Variants in PIP5K1C observed in about 807,000 individuals in gnomAD.
PIP5K1C encodes phosphatidylinositol 4-phosphate 5-kinase type-1 gamma.
PIP5K1C carries 45 observed loss-of-function variants against 80.1 expected under a neutral mutation model. That is an observed-to-expected ratio of 0.56 (90% CI 0.44 to 0.72). The LOEUF (loss-of-function observed/expected upper bound fraction) is 0.72. PIP5K1C is among the 30% of genes least tolerant of loss of function. PIP5K1C has a pLI of 0.00. For synonymous variants in PIP5K1C, 498 were observed against 420.1 expected (o/e 1.19, Z -2.27); for missense variants, 753 against 954.6 (o/e 0.79, Z 2.78).
chr19:3,632,995 G>A lies in PIP5K1C; in HGVS notation c.*172C>T, dbSNP rs1291692578. ...GACCGGGGTGCCGGGGCCCTGGGAG[G>A]CTTGTCGGGGAGGGGCCCGGCCGTC... On this transcript the variant is annotated 3_prime_UTR_variant, in exon 18 of 18. Transcript: ENST00000335312. The A allele has an allele frequency of 1.9e-6, 1 of 537,708 alleles. No homozygotes were observed. The highest frequency in any genetic ancestry group is 3.3e-6 in the Non-Finnish European group (1 of 301,430). 33.3% of individuals were successfully genotyped at this position (537,708 alleles called of 1,614,324 possible). A position where few individuals can be genotyped will look rare whatever the true frequency, so the allele number is the denominator to read the frequency against.
Position 3,684,029 on chromosome 19 carries a change from A to G in PIP5K1C, c.94+16268T>C, listed in dbSNP as rs575382327. On this transcript the variant is annotated intron_variant, in intron 1 of 17. Coordinates refer to ENST00000335312, the MANE Select transcript of PIP5K1C (RefSeq NM_012398.3). ...CGACCAGTGCTGACTCTGTCTCTGC[A>G]GCAGGCCCGGCCCCCAGCACAGGAG... 1.1e-4 allele frequency among the ~76,000 whole-genome samples: 16 copies of G among 147,422 alleles called. No individual in the cohort carries two copies. The South Asian group carries it at 2.2e-3, about 20-fold the overall frequency.
chr19:3,659,714 C>T (rs888553123), intron 5 of PIP5K1C, among the ~76,000 whole-genome samples: 2 of 144,788 alleles, frequency 1.4e-5, no homozygotes, highest in Non-Finnish European at 3.1e-5. Flanking sequence ...CTGGAGTTCT[C>T]GGGGCGGGGG....
chr19:3,643,393 G>A lies in PIP5K1C; in HGVS notation c.1511-12C>T. 14 of 1,613,072 alleles carry A rather than the reference G, an allele frequency of 8.7e-6. No individual in the cohort carries two copies. Among genetic ancestry groups the A allele is most frequent in the Non-Finnish European group, 1.2e-5 (14 of 1,179,854 alleles). ...GAGGTCGGGCCGGCCTGAGGGGAGAGGACTGTGGGCACCTTGCGGAGCCTC... is the reference window on the plus strand; with the variant it reads ...GAGGTCGGGCCGGCCTGAGGGGAGAAGACTGTGGGCACCTTGCGGAGCCTC... On this transcript the variant is annotated splice_polypyrimidine_tract_variant and intron_variant, in intron 12 of 17. Transcript: ENST00000335312.
intron 1 of PIP5K1C, among the ~76,000 whole-genome samples, chr19:3,698,863 G>T (rs796105509): frequency 7.2e-5 from 11 of 152,020 alleles, no homozygotes; most frequent in Non-Finnish European, 1.2e-4. Context: ...TGGCCAGCTG[G>T]GGTCAGATTT....
At chr19:3,662,989 G>A (rs2034888105) in intron 3 of PIP5K1C, among the ~76,000 whole-genome samples, 3 of 151,960 alleles carry the variant, frequency 2.0e-5, no homozygotes, top group African/African-American at 7.3e-5. Context: ...AGCCTCCCAA[G>A]AGCTGGGATT....
chr19:3,683,888 C>A (rs551515876), intron 1 of PIP5K1C, among the ~76,000 whole-genome samples: 4 of 145,624 alleles, frequency 2.7e-5, no homozygotes, highest in East Asian at 2.0e-4. Context: ...ACACCTCCCC[C>A]ACACTGGAGC....
intron 1 of PIP5K1C, among the ~76,000 whole-genome samples, chr19:3,668,711 G>A (rs913606637): frequency 1.3e-5 from 2 of 152,198 alleles, no homozygotes; most frequent in East Asian, 1.9e-4. Context: ...AGGGGCTCAC[G>A]GTCAACAGGG....
intron 1 of PIP5K1C, 58 bp from the exon 2 acceptor site, chr19:3,667,411 G>A: frequency 1.2e-6 from 2 of 1,606,050 alleles, no homozygotes; most frequent in Non-Finnish European, 1.7e-6. Flanking sequence ...GGGAGTCCTG[G>A]GCCCAGCCCC....
At chr19:3,633,815 G>C (rs959058045) in intron 16 of PIP5K1C, among the ~76,000 whole-genome samples, 2 of 152,046 alleles carry the variant, frequency 1.3e-5, no homozygotes, top group Admixed American at 1.3e-4. Context: ...GCGGAAGCGG[G>C]TGGGGGTCGC....
chr19:3,641,681 A>G (rs1191376856), intron 15 of PIP5K1C, 24 bp downstream of exon 15: 2 of 1,587,086 alleles, frequency 1.3e-6, no homozygotes, highest in South Asian at 2.2e-5. Context: ...GGGCGCCCCG[A>G]CCTCCCGCCG....
chr19:3,670,987 C>T (rs998175730), intron 1 of PIP5K1C, among the ~76,000 whole-genome samples: 23 of 152,242 alleles, frequency 1.5e-4, no homozygotes, highest in African/African-American at 5.3e-4. Context: ...AGGTGCTGGA[C>T]GCTGACGTGA....
At position 3,644,265 on chromosome 19, in the gene PIP5K1C, T is replaced by C. The variant is rs925961933; in HGVS notation, c.1346-14A>G. 3 of 1,609,376 alleles carry C rather than the reference T, an allele frequency of 1.9e-6. No homozygotes were observed. Among genetic ancestry groups the C allele is most frequent in the African/African-American group, 2.7e-5 (2 of 74,698 alleles). ...AGGACTTCAGGGCTGCAGGGAAGGG[T>C]GGGGGTTGGTGCTTGGGGTTGCTGG... On this transcript the variant is annotated splice_polypyrimidine_tract_variant and intron_variant, in intron 11 of 17. Coordinates refer to ENST00000335312, the MANE Select transcript of PIP5K1C (RefSeq NM_012398.3).
At position 3,661,933 on chromosome 19, in the gene PIP5K1C, G is replaced by A. The variant is rs764266098; in HGVS notation, c.288C>T (p.Ser96=). 11 of 1,612,540 alleles carry A rather than the reference G, an allele frequency of 6.8e-6. No homozygotes were observed. In the Admixed American group the frequency reaches 1.7e-4, roughly 24 times the overall value. ...GCATGAGCACGTCGCGTTCGGGCTT[G>A]GAGCTCAGGTGGCCCACGGTGTAGC... ...GIGYTVGHLS[S]KPERDVLMQD... Residue 96 remains serine (S), a synonymous_variant, in exon 4 of 18, where the codon TCC becomes TCT. Coordinates refer to ENST00000335312, the MANE Select transcript of PIP5K1C (RefSeq NM_012398.3).
chr19:3,683,724 G>A (rs972717699), intron 1 of PIP5K1C, among the ~76,000 whole-genome samples: 1 of 152,174 alleles, frequency 6.6e-6, no homozygotes, highest in Admixed American at 6.5e-5. Context: ...GGAGCCAGGC[G>A]GGGGAAGGGC....
intron 1 of PIP5K1C, among the ~76,000 whole-genome samples, chr19:3,699,232 G>A (rs1286692447): frequency 6.6e-6 from 1 of 151,552 alleles, no homozygotes. Flanking sequence ...TGCCCGCAAA[G>A]AAAGGGGCGA....
intron 12 of PIP5K1C, 29 bp from the exon 13 acceptor site, chr19:3,643,410 C>A (rs947694643): frequency 1.2e-6 from 2 of 1,611,678 alleles, no homozygotes; most frequent in East Asian, 2.2e-5. Flanking sequence ...GGGCACCTTG[C>A]GGAGCCTCCG....
Position 3,639,005 on chromosome 19 carries a change from G to A in PIP5K1C, c.1799C>T (p.Ser600Phe), listed in dbSNP as rs1304528623. Residue 600 changes from serine to phenylalanine, a missense_variant, in exon 16 of 18, where the codon TCC (serine) becomes TTC (phenylalanine). Physicochemically the swap from Ser to Phe is radical, Grantham distance 155. Around this residue, in one of 6 missense-constraint regions of PIP5K1C, gnomAD observed 315 missense variants for 294.5 expected, o/e 1.07. Coordinates refer to ENST00000335312, the MANE Select transcript of PIP5K1C (RefSeq NM_012398.3). ...AACAGCAGCAGAGGCACCGGCCGGG[G>A]AAGCCTCCACCCTGGGGACAGGAGT... ...PKEEDAGVEA[S>F]PAGASAAVEV... is the part of the protein sequence containing the mutation. The A allele has an allele frequency of 1.2e-6, 2 of 1,610,970 alleles. No individual in the cohort carries two copies. The highest frequency in any genetic ancestry group is 1.7e-6 in the Non-Finnish European group (2 of 1,179,920).
Position 3,656,758 on chromosome 19 carries a change from C to T in PIP5K1C, c.469-201G>A, listed in dbSNP as rs529945976. 1.2e-4 allele frequency among the ~76,000 whole-genome samples: 18 copies of T among 152,334 alleles called. 1 individual carries two copies. In the Middle Eastern group the frequency reaches 0.01, roughly 86 times the overall value. ...GGAGCCTGAGGCCGAGCTGACTCTG[C>T]AGCCCGAGGGCTGGTCTGCTAGGGC... On this transcript the variant is annotated intron_variant, in intron 5 of 17. Transcript: ENST00000335312.
intron 1 of PIP5K1C, among the ~76,000 whole-genome samples, chr19:3,685,186 A>G (rs1013697034): frequency 2.6e-5 from 4 of 152,166 alleles, no homozygotes; most frequent in Non-Finnish European, 4.4e-5. Context: ...TTGGGGACTC[A>G]GGGGGTCCTC....
Sources: gnomAD v4.1 joint callset for allele counts (sites outside exome capture counted in the v4.1 genomes callset) on GRCh38, gnomAD v4.1.1 for gene constraint, gnomAD v4.1.1 regional missense constraint, MANE v1.5 for transcripts, NCBI Gene and HGNC (gene_info 2026-07-23, HGNC 2026-07-21) for gene names.